The following ADAMTS2 variants were observed in gnomAD, a reference collection of about 807,000 sequenced individuals.
ADAMTS2 encodes ADAM metallopeptidase with thrombospondin type 1 motif 2, also known as A disintegrin and metalloproteinase with thrombospondin motifs 2.
A neutral mutation model predicts 123.0 loss-of-function variants in ADAMTS2; 50 were observed. That is an observed-to-expected ratio of 0.41 (90% CI 0.32 to 0.51). The LOEUF (loss-of-function observed/expected upper bound fraction) is 0.51, where lower values mean the gene tolerates loss of function less well. Among genes scored for constraint, ADAMTS2 ranks in the 20% least tolerant of loss-of-function variants. The pLI, the probability that ADAMTS2 is intolerant of heterozygous loss-of-function variation, is 0.35. For missense variants in ADAMTS2, 1,494 were observed against 1,705.2 expected, an observed-to-expected ratio of 0.88 and a Z score of 2.18; for synonymous variants, 678 against 695.4, an observed-to-expected ratio of 0.98 and a Z score of 0.39.
At chr5:179,274,078 C>A (rs6884564) in intron 2 of ADAMTS2, among the ~76,000 whole-genome samples, 1 of 148,838 alleles carries the variant, frequency 6.7e-6, no homozygotes, top group East Asian at 2.0e-4. Context: ...ACCCCCTCAC[C>A]TCTCCTGCCC....
chr5:179,219,839 TC>T (rs1435569302), intron 3 of ADAMTS2, among the ~76,000 whole-genome samples: 3 of 151,104 alleles, frequency 2.0e-5, no homozygotes, highest in African/African-American at 7.3e-5. Context: ...TTCCCCTTCG[TC>T]CCCCCAGCAC....
rs776489447 is a variant in ADAMTS2, at chr5:179,122,687, C to T, written c.3045G>A (p.Glu1015=). The T allele has an allele frequency of 5.2e-6, 8 of 1,551,436 alleles. No homozygotes were observed. In the Admixed American group the frequency reaches 1.6e-4, roughly 30 times the overall value. ...ADDSFGICQE[E]RPETARTCRL... ...TGCAGGTCCTCGCTGTCTCAGGACG[C>T]TCCTCCTGGCAGATGCCGAAGCTGT... is the stretch of plus-strand genomic sequence containing the variant. Residue 1015 remains glutamate, a synonymous_variant, in exon 20 of 22, where the codon GAG becomes GAA. Coordinates refer to ENST00000251582, the MANE Select transcript of ADAMTS2 (RefSeq NM_014244.5).
At chr5:179,294,603 G>A (rs1258182658) in intron 2 of ADAMTS2, among the ~76,000 whole-genome samples, 2 of 152,306 alleles carry the variant, frequency 1.3e-5, no homozygotes, top group Non-Finnish European at 2.9e-5. Flanking sequence ...CTTGGGGAGT[G>A]GAAGGGCCAC....
rs542098574 is a variant in ADAMTS2, at chr5:179,189,953, G to A, written c.892-8798C>T. Among the ~76,000 whole-genome samples the A allele has an allele frequency of 1.1e-4, 16 of 152,248 alleles. No homozygotes were observed. Among genetic ancestry groups the A allele is most frequent in the African/African-American group, 3.6e-4 (15 of 41,532 alleles). ...ACATTACCCCAAGGGCGGAGAGGGTGTATTGTTCACAAATTCAATTGATTG... is the reference window on the plus strand; with the variant it reads ...ACATTACCCCAAGGGCGGAGAGGGTATATTGTTCACAAATTCAATTGATTG... On this transcript the variant is annotated intron_variant, in intron 4 of 21. Transcript: ENST00000251582. This position sits in a 1 kb window ranked among gnomAD's most constrained non-coding sequence, Gnocchi z 4.2.
chr5:179,304,196 A>C (rs963453393), intron 2 of ADAMTS2, among the ~76,000 whole-genome samples: 1 of 152,210 alleles, frequency 6.6e-6, no homozygotes, highest in Non-Finnish European at 1.5e-5. Flanking sequence ...CAATTAACCC[A>C]AGGGTTAATT....
At position 179,207,494 on chromosome 5, in the gene ADAMTS2, C is replaced by T. The variant is rs781264538; in HGVS notation, c.891+19G>A. ...TGACCCTCCCCGCCCCACCCTGCCC[C>T]CTCAGCCACCCCACTCACAATGTTC... On this transcript the variant is annotated intron_variant, in intron 4 of 21. Coordinates refer to ENST00000251582, the MANE Select transcript of ADAMTS2 (RefSeq NM_014244.5). The T allele has an allele frequency of 1.7e-5, 27 of 1,555,514 alleles. No individual in the cohort carries two copies. Among genetic ancestry groups the T allele is most frequent in the African/African-American group, 2.7e-5 (2 of 74,016 alleles).
At chr5:179,122,036 T>C (rs527522207) in intron 20 of ADAMTS2, among the ~76,000 whole-genome samples, 1 of 152,218 alleles carries the variant, frequency 6.6e-6, no homozygotes, top group South Asian at 2.1e-4. Context: ...CCCTGCACCC[T>C]GCCCGCGCCC....
chr5:179,301,258 C>T (rs751258665), intron 2 of ADAMTS2, among the ~76,000 whole-genome samples: 1 of 152,122 alleles, frequency 6.6e-6, no homozygotes, highest in Non-Finnish European at 1.5e-5. Context: ...CCAGCCGAAA[C>T]TTGAGATCTT....
At position 179,129,825 on chromosome 5, in the gene ADAMTS2, G is replaced by A. The variant is rs999784535; in HGVS notation, c.2457+107C>T. 1.0e-5 allele frequency: 15 copies of A among 1,472,916 alleles called. No homozygotes were observed. Among genetic ancestry groups the A allele is most frequent in the East Asian group, 4.6e-5 (2 of 43,160 alleles). The allele number at this position is 1,472,916 out of a possible 1,614,324, so 91.2% of individuals were successfully genotyped here. Reference sequence around the variant, plus strand: ...GCCAAAGGCAGGCCAAAGGGGCCACGCAGAGTGTCACCTGAAGGGTCAGGA... The same window carrying A: ...GCCAAAGGCAGGCCAAAGGGGCCACACAGAGTGTCACCTGAAGGGTCAGGA... On this transcript the variant is annotated intron_variant, in intron 16 of 21. Transcript: ENST00000251582. This position sits in a 1 kb window ranked among gnomAD's most constrained non-coding sequence, Gnocchi z 4.1.
At position 179,299,190 on chromosome 5, in the gene ADAMTS2, T is replaced by A. The variant is rs190800648; in HGVS notation, c.535-26126A>T. Among the ~76,000 whole-genome samples the A allele has an allele frequency of 2.0e-4, 30 of 151,882 alleles. No individual in the cohort carries two copies. The East Asian group carries it at 5.0e-3, about 25-fold the overall frequency. ...TATATGTAACAAGATGGAAAAACGG[T>A]TAGTTTGTATAGCTGTAACAAATTA... On this transcript the variant is annotated intron_variant, in intron 2 of 21. Transcript: ENST00000251582.
Position 179,188,902 on chromosome 5 carries a change from G to A in ADAMTS2, c.892-7747C>T, listed in dbSNP as rs1361342010. 1.3e-5 allele frequency among the ~76,000 whole-genome samples: 2 copies of A among 152,150 alleles called. No individual in the cohort carries two copies. The highest frequency in any genetic ancestry group is 2.9e-5 in the Non-Finnish European group (2 of 68,030). ...GGCACTCCAGCAGGCACGTTGAGAA[G>A]ACAGGTCGCATTACAAACCTTCCCG... On this transcript the variant is annotated intron_variant, in intron 4 of 21. Transcript: ENST00000251582. This position sits in a 1 kb window ranked among gnomAD's most constrained non-coding sequence, Gnocchi z 5.1.
intron 3 of ADAMTS2, among the ~76,000 whole-genome samples, chr5:179,264,033 G>A (rs1006367157): frequency 2.0e-4 from 30 of 152,330 alleles, no homozygotes; most frequent in African/African-American, 7.0e-4. Context: ...CAAACTGGCA[G>A]AGTTTGGACC....
intron 5 of ADAMTS2, among the ~76,000 whole-genome samples, chr5:179,166,074 C>T (rs1291956426): frequency 6.6e-6 from 1 of 152,170 alleles, no homozygotes; most frequent in East Asian, 1.9e-4. Context: ...TGCCCGAGTG[C>T]TCTGGGGCCC....
chr5:179,311,170 T>TC (rs1258185336), intron 2 of ADAMTS2, among the ~76,000 whole-genome samples: 1 of 151,926 alleles, frequency 6.6e-6, no homozygotes, highest in African/African-American at 2.4e-5. Flanking sequence ...AGGCCGAGCC[T>TC]CCCCCGCCCT....
At chr5:179,315,034 A>G (rs384391) in intron 2 of ADAMTS2, among the ~76,000 whole-genome samples, 25,942 of 130,704 alleles carry the variant, frequency 0.2, 3,034 homozygotes, top group Middle Eastern at 0.34. Context: ...GGATTCCTAC[A>G]CCCACCCCCC....
Position 179,125,199 on chromosome 5 carries a change from G to C in ADAMTS2, c.2751-19C>G, listed in dbSNP as rs374595891. Reference sequence around the variant, plus strand: ...GACCCACCTGCCAGGGCAGAGCGGGGCACAGTCAGGCTTCCGCAGCACCTG... The same window carrying C: ...GACCCACCTGCCAGGGCAGAGCGGGCCACAGTCAGGCTTCCGCAGCACCTG... On this transcript the variant is annotated intron_variant, in intron 18 of 21. Transcript: ENST00000251582. 1.9e-6 allele frequency: 3 copies of C among 1,609,248 alleles called. No homozygotes were observed. The African/African-American group carries it at 4.0e-5, about 21-fold the overall frequency.
chr5:179,224,588 A>G (rs1010449376), intron 3 of ADAMTS2, among the ~76,000 whole-genome samples: 1 of 152,218 alleles, frequency 6.6e-6, no homozygotes. Context: ...GAGAAAAGCC[A>G]TGTGGGCAGG....
At chr5:179,143,502 CTAAT>C (rs1763207346) in intron 10 of ADAMTS2, among the ~76,000 whole-genome samples, 1 of 148,194 alleles carries the variant, frequency 6.7e-6, no homozygotes, top group South Asian at 2.1e-4. Flanking sequence ...AAAAGATAAA[CTAAT>C]TAGCTGGCTC....
chr5:179,233,736 C>T (rs1164074435), intron 3 of ADAMTS2, among the ~76,000 whole-genome samples: 1 of 152,060 alleles, frequency 6.6e-6, no homozygotes, highest in East Asian at 1.9e-4. Context: ...AACAAAAAAA[C>T]AGAAACACAC....
Sources: gnomAD v4.1 joint callset for allele counts (sites outside exome capture counted in the v4.1 genomes callset) on GRCh38, gnomAD v4.1.1 for gene constraint, Gnocchi (gnomAD v3.1) non-coding constraint, MANE v1.5 for transcripts, NCBI Gene and HGNC (gene_info 2026-07-23, HGNC 2026-07-21) for gene names.